Variants in TENM1 observed in about 807,000 individuals in gnomAD.
TENM1 encodes the protein teneurin-1.
In TENM1, 35 loss-of-function variants were observed where a neutral mutation model predicts 174.8. The observed-to-expected ratio is 0.20, with a 90% CI of 0.15 to 0.27. The LOEUF (loss-of-function observed/expected upper bound fraction) is 0.27, where lower values mean the gene tolerates loss of function less well. Among genes scored for constraint, TENM1 ranks in the 10% least tolerant of loss-of-function variants. The probability of loss-of-function intolerance (pLI) is 1.00; values close to 1 mark genes in which losing one functional copy is unlikely to be tolerated. For synonymous variants in TENM1, 781 were observed against 798.7 expected (o/e 0.98, Z 0.37); for missense variants, 1,633 against 2,130.1 (o/e 0.77, Z 4.59).
At position 124,844,000 on chromosome X, in the gene TENM1, T is replaced by G. The variant is rs182151105; in HGVS notation, c.535+50296A>C. 2.7e-3 allele frequency among the ~76,000 whole-genome samples: 301 copies of G among 111,859 alleles called. 1 individual carries two copies. The highest frequency in any genetic ancestry group is 9.0e-3 in the African/African-American group (276 of 30,804). The stretch of plus-strand genomic sequence containing the variant: ...CCAGGGTGAAATCAAGAACTTCATC[T>G]ACTTCTCGGCTTCCTTGTTTTGTTC... On this transcript the variant is annotated intron_variant, in intron 3 of 31. Coordinates refer to ENST00000422452, the Ensembl canonical transcript of TENM1.
chrX:125,088,491 C>T, the TENM1 span, among the ~76,000 whole-genome samples: 40,412 of 109,849 alleles, frequency 0.37, 7,653 homozygotes, highest in African/African-American at 0.74. Context: ...GGGGAAACTC[C>T]ATGGAATGGA....
chrX:124,718,107 C>T (rs189819083), intron 4 of TENM1, among the ~76,000 whole-genome samples: 1 of 112,282 alleles, frequency 8.9e-6, no homozygotes, highest in East Asian at 2.8e-4. Context: ...TTTCAGGTTT[C>T]TGTGTCCTTG....
the TENM1 span, among the ~76,000 whole-genome samples, chrX:125,129,652 A>G: frequency 9.1e-6 from 1 of 109,632 alleles, no homozygotes; most frequent in Admixed American, 9.8e-5. Flanking sequence ...CATGAGGTCA[A>G]TTACTATAAT....
At chrX:125,022,952 T>C in the TENM1 span, among the ~76,000 whole-genome samples, 1 of 111,435 alleles carries the variant, frequency 9.0e-6, no homozygotes, top group Non-Finnish European at 1.9e-5. Context: ...GTTACGGAAG[T>C]ACAGGATTAA....
At chrX:125,189,047 T>G in the TENM1 span, among the ~76,000 whole-genome samples, 1 of 112,425 alleles carries the variant, frequency 8.9e-6, no homozygotes, top group Non-Finnish European at 1.9e-5. Flanking sequence ...CAAAAAATGC[T>G]TTAAAAAATA....
chrX:124,671,695 A>T (rs1292992607), exon 6 of TENM1: 3 of 1,203,928 alleles, frequency 2.5e-6, no homozygotes, highest in Admixed American at 4.5e-5. Flanking sequence ...TTTTTCTCTG[A>T]TTTATCAGAA....
chrX:124,589,619 C>A (rs758344942), intron 11 of TENM1, among the ~76,000 whole-genome samples: 1 of 110,813 alleles, frequency 9.0e-6, no homozygotes, highest in East Asian at 2.8e-4. Flanking sequence ...TTCAGGCTTT[C>A]AATTTCTTCC....
intron 22 of TENM1, among the ~76,000 whole-genome samples, chrX:124,472,383 GTT>G (rs374842150): frequency 6.4e-5 from 5 of 78,283 alleles, no homozygotes; most frequent in Admixed American, 2.9e-4. Flanking sequence ...GTACTCCTGG[GTT>G]TTTTTTTTTT....
At chrX:124,980,211 A>AT in the TENM1 span, among the ~76,000 whole-genome samples, 3 of 110,857 alleles carry the variant, frequency 2.7e-5, no homozygotes, top group Admixed American at 9.7e-5. Context: ...ATCTTTAATA[A>AT]TAAAAAAAAG....
chrX:124,646,619 A>G (rs1433952296), intron 9 of TENM1, 90 bp downstream of exon 12: 2 of 653,175 alleles, frequency 3.1e-6, no homozygotes, highest in Non-Finnish European at 4.8e-6. Flanking sequence ...ACCACTACTA[A>G]TGTTACTTAC....
chrX:125,097,167 C>A, the TENM1 span, among the ~76,000 whole-genome samples: 1 of 111,418 alleles, frequency 9.0e-6, no homozygotes, highest in Non-Finnish European at 1.9e-5. Context: ...TACTGAAGAC[C>A]AGGTTTCTGG....
intron 5 of TENM1, 22 bp from the exon 9 acceptor site, chrX:124,671,857 A>G: frequency 3.3e-6 from 4 of 1,204,531 alleles, no homozygotes; most frequent in Non-Finnish European, 4.5e-6. Flanking sequence ...CAAGCCATAC[A>G]TTAATTTATT....
intron 11 of TENM1, among the ~76,000 whole-genome samples, chrX:124,580,650 T>C (rs2049281412): frequency 9.0e-6 from 1 of 111,156 alleles, no homozygotes; most frequent in African/African-American, 3.3e-5. Flanking sequence ...AGAGATTTAA[T>C]GTACAACATG....
At chrX:124,695,374 T>G (rs1462623864) in intron 5 of TENM1, among the ~76,000 whole-genome samples, 1 of 111,357 alleles carries the variant, frequency 9.0e-6, no homozygotes, top group African/African-American at 3.3e-5. Flanking sequence ...GACCTAAGAT[T>G]CAATTCTGAA....
the TENM1 span, among the ~76,000 whole-genome samples, chrX:125,051,716 T>C: frequency 1.9e-5 from 2 of 102,797 alleles, no homozygotes; most frequent in Non-Finnish European, 4.0e-5. Context: ...AAGACTTAAA[T>C]GTTAGACCTA....
At position 124,422,611 on chromosome X, in the gene TENM1, C is replaced by T. The variant is rs761570963; in HGVS notation, c.4132G>A (p.Ala1378Thr). 4.1e-6 allele frequency: 5 copies of T among 1,209,686 alleles called. No homozygotes were observed. The South Asian group carries it at 7.0e-5, about 17-fold the overall frequency. Residue 1378 changes from alanine (A) to threonine (T), a missense_variant, in exon 24 of 32, where the codon GCA becomes ACA. Coordinates refer to ENST00000422452, the Ensembl canonical transcript of TENM1. ...AATGAATTGTCCATAGGATTTACTG[C>T]AAGGTCTGTTGGCCACTCTAATCGC...
chrX:124,833,236 T>C (rs992356269), intron 3 of TENM1, among the ~76,000 whole-genome samples: 1 of 112,040 alleles, frequency 8.9e-6, no homozygotes, highest in African/African-American at 3.2e-5. Context: ...GGTTATCAAA[T>C]GATCCCTCTA....
rs770759848 is a variant in TENM1 at position 124,811,969 on chromosome X, T to C, written c.536-74772A>G. 2.9e-3 allele frequency among the ~76,000 whole-genome samples: 322 copies of C among 111,365 alleles called. 2 individuals carry two copies. The highest frequency in any genetic ancestry group is 0.01 in the African/African-American group (309 of 30,738). The stretch of plus-strand genomic sequence containing the variant: ...TAATAGAATGAAGACTACCAAAGTC[T>C]GTGAGGTTGAGAATGGTTTTTCCAG... On this transcript the variant is annotated intron_variant, in intron 3 of 31. Transcript: ENST00000422452.
chrX:125,112,357 G>A, the TENM1 span, among the ~76,000 whole-genome samples: 1 of 109,981 alleles, frequency 9.1e-6, no homozygotes, highest in Admixed American at 1.0e-4. Flanking sequence ...AGAGACTTCT[G>A]AAGGAGGAAA....
Sources: gnomAD v4.1 joint callset for allele counts (sites outside exome capture counted in the v4.1 genomes callset) on GRCh38, gnomAD v4.1.1 for gene constraint, MANE v1.5 for transcripts, NCBI Gene and HGNC (gene_info 2026-07-23, HGNC 2026-07-21) for gene names.